Variants in PBRM1 observed in about 807,000 individuals in gnomAD.
The protein encoded by PBRM1 is protein polybromo-1.
Under a neutral mutation model 194.5 loss-of-function variants are expected in PBRM1, and 27 were observed. That is an observed-to-expected ratio of 0.14 (90% confidence interval 0.10 to 0.19). The LOEUF (loss-of-function observed/expected upper bound fraction) is 0.19, where lower values mean the gene tolerates loss of function less well. PBRM1 is among the 10% of genes least tolerant of loss of function. The pLI, the probability that PBRM1 is intolerant of heterozygous loss-of-function variation, is 1.00. For missense variants in PBRM1, 1,466 were observed against 2,077.2 expected (o/e 0.71, Z 5.72); for synonymous variants, 655 against 693.2 (o/e 0.94, Z 0.87).
chr3:52,685,209 T>A (rs1427109852), intron 1 of PBRM1, among the ~76,000 whole-genome samples: 1 of 152,194 alleles, frequency 6.6e-6, no homozygotes, highest in Non-Finnish European at 1.5e-5. Flanking sequence ...ATAACAAAAC[T>A]GTGCTTCCCC....
intron 13 of PBRM1, 106 bp downstream of exon 14, chr3:52,627,167 T>C (rs933129288): frequency 1.6e-6 from 1 of 611,020 alleles, no homozygotes; most frequent in African/African-American, 1.9e-5. Context: ...TTACCATTTA[T>C]TTAAAGCTTA....
chr3:52,668,927 T>C (rs1470072924), intron 2 of PBRM1, among the ~76,000 whole-genome samples: 4 of 152,210 alleles, frequency 2.6e-5, no homozygotes, highest in Non-Finnish European at 5.9e-5. Context: ...AACTGTTTAA[T>C]GTTTAGGGCA....
At chr3:52,596,009 T>C (rs1328162938) in intron 17 of PBRM1, among the ~76,000 whole-genome samples, 2 of 152,206 alleles carry the variant, frequency 1.3e-5, no homozygotes. Flanking sequence ...TTTGTCTGTT[T>C]TTATGCCAGC....
chr3:52,554,212 CTTAGCA>C (rs895256913), intron 27 of PBRM1, among the ~76,000 whole-genome samples: 11 of 152,186 alleles, frequency 7.2e-5, no homozygotes, highest in African/African-American at 2.7e-4. Context: ...AGAGTTCTAC[CTTAGCA>C]GCTCTGCAAT....
chr3:52,588,944 G>T, intron 18 of PBRM1, 126 bp downstream of exon 20: 1 of 669,634 alleles, frequency 1.5e-6, no homozygotes, highest in Non-Finnish European at 2.6e-6. Context: ...TACATTTATT[G>T]ACATATTGAA....
chr3:52,603,107 T>C (rs1018429736), intron 17 of PBRM1, among the ~76,000 whole-genome samples: 3 of 152,230 alleles, frequency 2.0e-5, no homozygotes, highest in African/African-American at 7.2e-5. Context: ...TCAACCAAAA[T>C]ATCATCTACT....
intron 5 of PBRM1, among the ~76,000 whole-genome samples, chr3:52,653,480 T>G (rs961590869): frequency 2.0e-5 from 3 of 151,646 alleles, no homozygotes; most frequent in Non-Finnish European, 2.9e-5. Flanking sequence ...TCCCAGCTAC[T>G]TGGGAGGCTG....
At chr3:52,553,488 C>CTTTTT (rs35486235) in intron 27 of PBRM1, among the ~76,000 whole-genome samples, 1 of 128,998 alleles carries the variant, frequency 7.8e-6, no homozygotes, top group Non-Finnish European at 1.7e-5. Flanking sequence ...TAATGTCAGG[C>CTTTTT]TTTTTTTTTT....
intron 11 of PBRM1, 39 bp from the exon 13 acceptor site, chr3:52,629,074 GAA>G: frequency 6.7e-7 from 1 of 1,494,920 alleles, no homozygotes; most frequent in Non-Finnish European, 9.1e-7. Flanking sequence ...TTTCTGTCAT[GAA>G]AATTATGAAA....
chr3:52,549,022 A>C (rs1361148534), intron 29 of PBRM1, among the ~76,000 whole-genome samples: 1 of 149,678 alleles, frequency 6.7e-6, no homozygotes, highest in African/African-American at 2.4e-5. Context: ...GAGGTAAAAT[A>C]GTTTTTTTTT....
chr3:52,584,850 C>T (rs973375931), intron 20 of PBRM1, among the ~76,000 whole-genome samples: 22 of 152,018 alleles, frequency 1.4e-4, no homozygotes, highest in Admixed American at 1.4e-3. Context: ...GAACAGTAAG[C>T]CCCTTTGTCC....
At chr3:52,680,197 A>G (rs1006013470), upstream of PBRM1, among the ~76,000 whole-genome samples, 6 of 152,206 alleles carry the variant, frequency 3.9e-5, no homozygotes, top group African/African-American at 1.4e-4. Context: ...GTGGGCCATC[A>G]TGTGGAAAAG....
At chr3:52,564,091 T>C (rs540527302) in exon 23 of PBRM1, 2 of 1,613,824 alleles carry the variant, frequency 1.2e-6, no homozygotes, top group East Asian at 4.5e-5. Context: ...TAGCAGAGAG[T>C]GAAAACCTCT....
chr3:52,625,742 T>C (rs1173110807), intron 13 of PBRM1, among the ~76,000 whole-genome samples: 1 of 151,846 alleles, frequency 6.6e-6, no homozygotes, highest in Non-Finnish European at 1.5e-5. Context: ...GCCTGGCTAA[T>C]TTTTTTGTAT....
chr3:52,587,548 G>C, intron 18 of PBRM1, 38 bp from the exon 21 acceptor site: 6 of 1,223,660 alleles, frequency 4.9e-6, no homozygotes, highest in Non-Finnish European at 5.8e-6. Context: ...AAGAGAAAGA[G>C]AATCATTGTT....
intron 2 of PBRM1, among the ~76,000 whole-genome samples, chr3:52,673,748 G>A (rs889950925): frequency 6.8e-6 from 1 of 148,118 alleles, no homozygotes; most frequent in South Asian, 2.1e-4. Context: ...AAAGCTAGCA[G>A]TAGATAATAA....
intron 2 of PBRM1, among the ~76,000 whole-genome samples, chr3:52,674,441 C>T (rs1328097224): frequency 3.4e-5 from 5 of 145,676 alleles, no homozygotes; most frequent in African/African-American, 7.6e-5. Context: ...CAATCGAGAT[C>T]GCACCACTGC....
chr3:52,682,352 C>A, upstream of PBRM1: 1 of 147,128 alleles, frequency 6.8e-6, no homozygotes. Context: ...ATTGGAGACA[C>A]CATATAAAAA....
exon 25 of PBRM1, chr3:52,561,787 G>A (rs1302111374): frequency 6.2e-7 from 1 of 1,613,976 alleles, no homozygotes; most frequent in Non-Finnish European, 8.5e-7. Flanking sequence ...TGCTTTCTTG[G>A]CTGTCTCAAG....
Sources: allele counts gnomAD v4.1 joint callset (sites outside exome capture counted in the v4.1 genomes callset), GRCh38; gene constraint gnomAD v4.1.1; transcripts MANE v1.5; gene names NCBI Gene and HGNC (gene_info 2026-07-23, HGNC 2026-07-21).